The following PHLDB2 variants were observed in gnomAD, a reference collection of about 807,000 sequenced individuals.
The protein encoded by PHLDB2 is pleckstrin homology-like domain family B member 2.
Under a neutral mutation model 123.6 loss-of-function variants are expected in PHLDB2, and 71 were observed. That is an observed-to-expected ratio of 0.57 (90% confidence interval 0.47 to 0.70). The LOEUF (loss-of-function observed/expected upper bound fraction) is 0.70. PHLDB2 is among the 30% of genes least tolerant of loss of function. PHLDB2 has a pLI of 0.00. For synonymous variants in PHLDB2, 547 were observed against 541.6 expected (o/e 1.01, Z -0.14); for missense variants, 1,446 against 1,519.5 (o/e 0.95, Z 0.80).
At chr3:111,837,615 C>T (rs952845744) in intron 1 of PHLDB2, among the ~76,000 whole-genome samples, 9 of 152,180 alleles carry the variant, frequency 5.9e-5, no homozygotes, top group Admixed American at 5.2e-4. Flanking sequence ...GCATCATTTC[C>T]AAAACTCCTT....
chr3:111,816,065 T>C lies in PHLDB2; in HGVS notation c.-48-29756T>C, dbSNP rs138331370. 1.9e-3 allele frequency among the ~76,000 whole-genome samples: 289 copies of C among 151,696 alleles called. 1 individual carries two copies. The highest frequency in any genetic ancestry group is 6.7e-3 in the African/African-American group (275 of 40,940). On this transcript the variant is annotated intron_variant, in intron 1 of 17. Transcript: ENST00000393923. ...CCTGCGAGTGAACAGAAATCAAGAA[T>C]TGAGGCTTTAGAACTTCCCCCTAGA...
intron 2 of PHLDB2, among the ~76,000 whole-genome samples, chr3:111,895,681 C>G (rs2066798578): frequency 6.6e-6 from 1 of 152,124 alleles, no homozygotes; most frequent in African/African-American, 2.4e-5. Flanking sequence ...AACCTCGTCT[C>G]TACTAAAAAA....
chr3:111,795,110 A>C (rs148577050), intron 1 of PHLDB2, among the ~76,000 whole-genome samples: 10 of 152,304 alleles, frequency 6.6e-5, no homozygotes, highest in African/African-American at 2.4e-4. Context: ...GTAACAACTA[A>C]TGTCTAGTTT....
Position 111,966,640 on chromosome 3 carries a change from A to G in PHLDB2, c.3105A>G (p.Ile1035Met). 1 of 1,613,524 alleles carries G rather than the reference A, an allele frequency of 6.2e-7. No individual in the cohort carries two copies. Among genetic ancestry groups the G allele is most frequent in the Non-Finnish European group, 8.5e-7 (1 of 1,179,690 alleles). The change falls in exon 14 of 18, where the codon ATA becomes ATG. Residue 1035 changes from isoleucine (I) to methionine (M), a missense_variant. By Grantham distance (10) the Ile-to-Met change is conservative. Around this residue, in one of 3 missense-constraint regions of PHLDB2, gnomAD observed 594 missense variants for 646.0 expected, o/e 0.92. Coordinates refer to ENST00000431670, the MANE Select transcript of PHLDB2 (RefSeq NM_001134438.2). ...SSASTSNIAR[I>M]EEMERLLKQA... ...CCAGCACTTCAAATATTGCTAGAAT[A>G]GAAGAAATGGAGAGACTTTTGAAGC...
chr3:111,972,024 G>T (rs1386537297), intron 16 of PHLDB2, among the ~76,000 whole-genome samples: 2 of 152,178 alleles, frequency 1.3e-5, no homozygotes, highest in Admixed American at 6.5e-5. Context: ...TCATAATGTG[G>T]CTGTGAGGCT....
chr3:111,845,475 A>G (rs2063934383), intron 1 of PHLDB2, among the ~76,000 whole-genome samples: 1 of 152,098 alleles, frequency 6.6e-6, no homozygotes, highest in South Asian at 2.1e-4. Context: ...TGAAAAATAG[A>G]AAATAAGCAG....
chr3:111,967,568 G>A (rs1194987461), intron 14 of PHLDB2, 110 bp from the exon 15 acceptor site: 3 of 1,179,708 alleles, frequency 2.5e-6, no homozygotes, highest in Non-Finnish European at 3.4e-6. Flanking sequence ...TAAGAGACTA[G>A]TCTACAAACC....
chr3:111,787,582 T>C lies in PHLDB2; in HGVS notation c.-49+54879T>C, dbSNP rs146886482. Among the ~76,000 whole-genome samples, 641 of 152,310 alleles carry C rather than the reference T, an allele frequency of 4.2e-3. 1 individual carries two copies. Among genetic ancestry groups the C allele is most frequent in the African/African-American group, 0.015 (617 of 41,566 alleles). On this transcript the variant is annotated intron_variant, in intron 1 of 17. Transcript: ENST00000393923. ...AGAATTGGAGGGCTCAATCTACTTC[T>C]ACCATTTTCAAAGACATGGTTGGTA...
intron 2 of PHLDB2, among the ~76,000 whole-genome samples, chr3:111,847,985 G>C (rs2064075042): frequency 6.6e-6 from 1 of 152,122 alleles, no homozygotes; most frequent in Non-Finnish European, 1.5e-5. Context: ...AAGGAGGGCT[G>C]AGGGGTGCAC....
At chr3:111,781,426 C>G (rs1333475605) in intron 1 of PHLDB2, among the ~76,000 whole-genome samples, 1 of 152,060 alleles carries the variant, frequency 6.6e-6, no homozygotes, top group Non-Finnish European at 1.5e-5. Flanking sequence ...CCACAGCCCT[C>G]CTGAGTCAGG....
At chr3:111,945,561 GTGTGTGTGTATGTGTA>G in intron 9 of PHLDB2, 2 of 564,498 alleles carry the variant, frequency 3.5e-6, no homozygotes, top group Non-Finnish European at 6.3e-6. Context: ...GATGCACATT[GTGTGTGTGTATGTGTA>G]TGTGTGTGTT....
intron 12 of PHLDB2, among the ~76,000 whole-genome samples, chr3:111,959,177 AGGCCAGAGCCTGAATCCC>A (rs1376965403): frequency 7.9e-5 from 12 of 152,264 alleles, no homozygotes; most frequent in African/African-American, 2.9e-4. Flanking sequence ...TTGGATGGCC[AGGCCAGAGCCTGAATCCC>A]AAAATGAGCT....
chr3:111,827,680 C>T (rs1301206275), intron 1 of PHLDB2, among the ~76,000 whole-genome samples: 3 of 117,634 alleles, frequency 2.6e-5, no homozygotes, highest in Admixed American at 9.1e-5. Flanking sequence ...GACGAGAATC[C>T]GTCTCAAAAA....
chr3:111,958,734 T>C (rs1211296884), intron 12 of PHLDB2: 1 of 455,926 alleles, frequency 2.2e-6, no homozygotes, highest in East Asian at 7.0e-5. Flanking sequence ...CTTTTTACTG[T>C]TTTAGTTGCT....
chr3:111,832,560 TTA>T (rs1418531842), intron 1 of PHLDB2, among the ~76,000 whole-genome samples: 3 of 146,886 alleles, frequency 2.0e-5, no homozygotes, highest in Admixed American at 1.4e-4. Context: ...TCATATGGCA[TTA>T]TATATATATA....
At chr3:111,842,396 C>T (rs1255907610) in intron 1 of PHLDB2, among the ~76,000 whole-genome samples, 3 of 152,176 alleles carry the variant, frequency 2.0e-5, no homozygotes, top group Non-Finnish European at 4.4e-5. Context: ...ATGTGTGTTA[C>T]AACTGGTGAA....
chr3:111,789,718 T>C (rs1258215209), intron 1 of PHLDB2, among the ~76,000 whole-genome samples: 1 of 151,170 alleles, frequency 6.6e-6, no homozygotes, highest in Non-Finnish European at 1.5e-5. Context: ...ATGTGCTTAG[T>C]TCATATGGTG....
rs756788237 is a variant in PHLDB2, at chr3:111,913,720, A to G, written c.1719+18A>G. 1 of 1,594,072 alleles carries G rather than the reference A, an allele frequency of 6.3e-7. No homozygotes were observed. The highest frequency in any genetic ancestry group is 1.1e-5 in the South Asian group (1 of 89,402). On this transcript the variant is annotated intron_variant, in intron 3 of 17. Coordinates refer to ENST00000431670, the MANE Select transcript of PHLDB2 (RefSeq NM_001134438.2). ...TACCAAAGGTAATGTTGGCCCAGCA[A>G]AGATACTAGGATTTAAGGTCTAGGG...
At chr3:111,801,078 T>C (rs868547752) in intron 1 of PHLDB2, among the ~76,000 whole-genome samples, 32 of 152,214 alleles carry the variant, frequency 2.1e-4, no homozygotes, top group Admixed American at 1.3e-3. Context: ...CAACATGAGC[T>C]GTGGGGTCAA....
Sources: gnomAD v4.1 joint callset for allele counts (sites outside exome capture counted in the v4.1 genomes callset) on GRCh38, gnomAD v4.1.1 for gene constraint, gnomAD v4.1.1 regional missense constraint, MANE v1.5 for transcripts, NCBI Gene and HGNC (gene_info 2026-07-23, HGNC 2026-07-21) for gene names.